ARHGEF4: variants seen among roughly 807,000 people sequenced by gnomAD.
The protein encoded by ARHGEF4 is Rho guanine nucleotide exchange factor 4, also known as APC-stimulated guanine nucleotide exchange factor 1.
Under a neutral mutation model 162.0 loss-of-function variants are expected in ARHGEF4, and 119 were observed. The observed-to-expected ratio is 0.73, with a 90% CI of 0.63 to 0.86. The LOEUF (loss-of-function observed/expected upper bound fraction) is 0.86. Among genes scored for constraint, ARHGEF4 ranks in the 40% least tolerant of loss-of-function variants. The pLI, the probability that ARHGEF4 is intolerant of heterozygous loss-of-function variation, is 0.00. For missense variants in ARHGEF4, 2,488 were observed against 2,456.0 expected (o/e 1.01, Z -0.28); for synonymous variants, 1,014 against 979.9 (o/e 1.03, Z -0.65).
intron 1 of ARHGEF4, among the ~76,000 whole-genome samples, chr2:130,842,813 A>G (rs1680696837): frequency 1.3e-5 from 2 of 152,106 alleles, no homozygotes; most frequent in Admixed American, 6.5e-5. Flanking sequence ...CTAGTGAAGG[A>G]TCTTGATTGC....
At position 131,022,149 on chromosome 2, in the gene ARHGEF4, A is replaced by AT. The variant is rs893491472; in HGVS notation, c.3986-5795dup. Among the ~76,000 whole-genome samples the AT allele has an allele frequency of 2.2e-4, 34 of 152,202 alleles. 1 individual carries two copies. The highest frequency in any genetic ancestry group is 7.7e-4 in the African/African-American group (32 of 41,456). On this transcript the variant is annotated intron_variant, in intron 4 of 13. Transcript: ENST00000409359. The stretch of plus-strand genomic sequence containing the variant: ...TTTGTCTGGGTTTATTATCAAAGCA[A>AT]TAGTGATGTTATAGAATGAGTTGGG...
At chr2:130,838,729 C>T (rs1456133787) in intron 1 of ARHGEF4, among the ~76,000 whole-genome samples, 1 of 152,210 alleles carries the variant, frequency 6.6e-6, no homozygotes, top group East Asian at 1.9e-4. Context: ...GGTTCTGCTG[C>T]ACCCACAGCA....
In ARHGEF4 at chr2:130,976,920, T is replaced by TG. The variant is rs1192825189; in HGVS notation, c.3985+30286dup. Among the ~76,000 whole-genome samples the TG allele has an allele frequency of 2.5e-3, 381 of 151,944 alleles. 3 individuals carry two copies. The highest frequency in any genetic ancestry group is 0.019 in the South Asian group (91 of 4,798). ...ATGCATTAGTGTGTGGTGTGTATGG[T>TG]GTGTTAGTATGTGTGGTGTGTGTGA... On this transcript the variant is annotated intron_variant, in intron 4 of 13. Coordinates refer to ENST00000409359, the MANE Select transcript of ARHGEF4 (RefSeq NM_001367493.1).
At chr2:130,899,962 C>CT (rs1481821171) in intron 1 of ARHGEF4, among the ~76,000 whole-genome samples, 1 of 151,952 alleles carries the variant, frequency 6.6e-6, no homozygotes, top group Admixed American at 6.5e-5. Flanking sequence ...ATTTTTAAAA[C>CT]TTTCCTTGAG....
chr2:130,983,415 A>G (rs935212182), intron 4 of ARHGEF4, among the ~76,000 whole-genome samples: 2 of 152,192 alleles, frequency 1.3e-5, no homozygotes, highest in African/African-American at 4.8e-5. Context: ...CCAGCTTTAT[A>G]GTTTTATAAC....
At chr2:130,946,228 T>C (rs542976996) in intron 3 of ARHGEF4, among the ~76,000 whole-genome samples, 1 of 152,326 alleles carries the variant, frequency 6.6e-6, no homozygotes, top group South Asian at 2.1e-4. Context: ...CTCACCAGCT[T>C]GGGGAGAGTT....
rs1010984646 is a variant in ARHGEF4 at position 130,914,396 on chromosome 2, C to G, written c.450C>G (p.Ala150=). 1.4e-6 allele frequency: 2 copies of G among 1,443,790 alleles called. No homozygotes were observed. The highest frequency in any genetic ancestry group is 1.8e-6 in the Non-Finnish European group (2 of 1,104,000). The allele number at this position is 1,443,790 out of a possible 1,614,324, so 89.4% of individuals were successfully genotyped here. ...GCAAAAATGGGTGGCGAGCCTTTGC[C>G]ACAGTTGCTGGAGAACAGGAGGCAG... The part of the protein sequence containing the change: ...DSCKNGWRAF[A]TVAGEQEAGH... The change falls in exon 2 of 14, where the codon GCC becomes GCG. Residue 150 remains alanine (A), a synonymous_variant. Coordinates refer to ENST00000409359, the MANE Select transcript of ARHGEF4 (RefSeq NM_001367493.1).
intron 5 of ARHGEF4, among the ~76,000 whole-genome samples, chr2:131,037,210 G>A (rs1055962610): frequency 7.9e-5 from 12 of 152,176 alleles, no homozygotes; most frequent in Admixed American, 2.0e-4. Flanking sequence ...TGAGGAGAGC[G>A]TCCATCAGGA....
At chr2:131,035,448 C>A in intron 5 of ARHGEF4, 1 of 415,202 alleles carries the variant, frequency 2.4e-6, no homozygotes. Flanking sequence ...ACGTGTGTCA[C>A]AGGGTCCTTC....
chr2:130,928,676 C>T (rs770965984), intron 2 of ARHGEF4, among the ~76,000 whole-genome samples: 1 of 152,206 alleles, frequency 6.6e-6, no homozygotes. Context: ...GCTTCCTGTG[C>T]TCTGCAGCAC....
chr2:130,874,250 A>C (rs965540246), intron 1 of ARHGEF4, among the ~76,000 whole-genome samples: 2 of 152,214 alleles, frequency 1.3e-5, no homozygotes, highest in Non-Finnish European at 2.9e-5. Context: ...ACAAACTACA[A>C]GGCGGCTGTA....
At chr2:130,845,203 C>T (rs1248897042) in intron 1 of ARHGEF4, among the ~76,000 whole-genome samples, 2 of 151,712 alleles carry the variant, frequency 1.3e-5, no homozygotes, top group African/African-American at 4.8e-5. Context: ...ATGTTGCTGG[C>T]CGAAGTTCCT....
intron 4 of ARHGEF4, among the ~76,000 whole-genome samples, chr2:130,971,966 C>T (rs1685402222): frequency 6.6e-6 from 1 of 152,190 alleles, no homozygotes; most frequent in African/African-American, 2.4e-5. Context: ...CTGGGGGCCC[C>T]ATAAGCCAGG....
At chr2:130,991,177 A>G (rs1166691036) in intron 4 of ARHGEF4, among the ~76,000 whole-genome samples, 2 of 152,252 alleles carry the variant, frequency 1.3e-5, no homozygotes, top group Non-Finnish European at 2.9e-5. Flanking sequence ...CCAAGTAGAC[A>G]ATATTTAAAG....
At position 131,040,147 on chromosome 2, in the gene ARHGEF4, C is replaced by T. The variant is rs1690675138; in HGVS notation, c.4437C>T (p.Leu1479=). ...QMRTNVINEI[L]STERDYIKHL... ...GGACCAACGTCATCAACGAGATCCT[C>T]AGCACTGAGCGGGACTACATCAAGC... is the stretch of plus-strand genomic sequence containing the variant. Residue 1479 remains leucine (L), a synonymous_variant, in exon 7 of 14, where the codon CTC becomes CTT. Coordinates refer to ENST00000409359, the MANE Select transcript of ARHGEF4 (RefSeq NM_001367493.1). 1 of 1,613,226 alleles carries T rather than the reference C, an allele frequency of 6.2e-7. No homozygotes were observed. The highest frequency in any genetic ancestry group is 1.3e-5 in the African/African-American group (1 of 74,920).
chr2:130,897,718 A>G (rs1477608363), intron 1 of ARHGEF4, among the ~76,000 whole-genome samples: 1 of 152,194 alleles, frequency 6.6e-6, no homozygotes, highest in Non-Finnish European at 1.5e-5. Context: ...CCATCTCAAG[A>G]TGAGGAAGCT....
At chr2:130,886,680 CAA>C (rs36062652) in intron 1 of ARHGEF4, among the ~76,000 whole-genome samples, 34 of 104,824 alleles carry the variant, frequency 3.2e-4, no homozygotes, top group East Asian at 5.5e-4. Flanking sequence ...GACTCTGTCT[CAA>C]AAAAAAAAAA....
At chr2:130,991,800 C>G (rs1278791706) in intron 4 of ARHGEF4, among the ~76,000 whole-genome samples, 1 of 152,256 alleles carries the variant, frequency 6.6e-6, no homozygotes, top group Non-Finnish European at 1.5e-5. Context: ...CGCCCAGTCC[C>G]ATCGACCACC....
intron 1 of ARHGEF4, among the ~76,000 whole-genome samples, chr2:130,864,201 G>GAA (rs56982493): frequency 3.9e-5 from 4 of 101,570 alleles, no homozygotes; most frequent in Admixed American, 1.0e-4. Context: ...AAGAAAGAAA[G>GAA]AAAAAAAAAA....
Sources: allele counts gnomAD v4.1 joint callset (sites outside exome capture counted in the v4.1 genomes callset), GRCh38; gene constraint gnomAD v4.1.1; transcripts MANE v1.5; gene names NCBI Gene and HGNC (gene_info 2026-07-23, HGNC 2026-07-21).